Variants in WDR25 observed in about 807,000 individuals in gnomAD.
WDR25 encodes the protein WD repeat-containing protein 25.
WDR25 carries 35 observed loss-of-function variants against 47.7 expected under a neutral mutation model. The observed-to-expected ratio is 0.73, with a 90% CI of 0.56 to 0.97. WDR25 has a LOEUF of 0.97. Among genes scored for constraint, WDR25 ranks in the 50% least tolerant of loss-of-function variants. WDR25 has a pLI of 0.00. For missense variants in WDR25, 634 were observed against 704.7 expected (o/e 0.90, Z 1.14); for synonymous variants, 248 against 278.9 (o/e 0.89, Z 1.10).
intron 3 of WDR25, among the ~76,000 whole-genome samples, chr14:100,472,377 C>T (rs1273386418): frequency 6.6e-6 from 1 of 152,246 alleles, no homozygotes; most frequent in African/African-American, 2.4e-5. Context: ...GGTGTTGGCT[C>T]TTCTGCCTCC....
At chr14:100,471,314 C>T (rs992528607) in intron 3 of WDR25, among the ~76,000 whole-genome samples, 2 of 152,178 alleles carry the variant, frequency 1.3e-5, no homozygotes. Context: ...CTTGCCAGGT[C>T]CTCCTATCTG....
At chr14:100,484,513 T>C (rs554075252) in intron 4 of WDR25, among the ~76,000 whole-genome samples, 1 of 152,106 alleles carries the variant, frequency 6.6e-6, no homozygotes, top group African/African-American at 2.4e-5. Context: ...CTTGTTTGCA[T>C]GCTTGCGAGA....
In WDR25 at chr14:100,424,867, G is replaced by A. The variant is rs757800478; in HGVS notation, c.822+43121G>A. ...GGAAACTCAGGCTCAACAAGGTGAT[G>A]CCTTTCCCAGGACATGTGCTCCTGT... On this transcript the variant is annotated intron_variant, in intron 2 of 6. Coordinates refer to ENST00000402312, the MANE Select transcript of WDR25 (RefSeq NM_001161476.3). The surrounding 1 kb of genome is among the most constrained non-coding windows in gnomAD (Gnocchi z 4.2). Among the ~76,000 whole-genome samples the A allele has an allele frequency of 3.9e-5, 6 of 152,174 alleles. No individual in the cohort carries two copies. Among genetic ancestry groups the A allele is most frequent in the Non-Finnish European group, 8.8e-5 (6 of 68,026 alleles).
intron 2 of WDR25, among the ~76,000 whole-genome samples, chr14:100,431,852 G>C (rs1185548268): frequency 6.6e-6 from 1 of 152,140 alleles, no homozygotes; most frequent in Non-Finnish European, 1.5e-5. Context: ...TAGGATTACA[G>C]GTGCCCGCCA....
chr14:100,434,325 C>T (rs150854755), intron 2 of WDR25, among the ~76,000 whole-genome samples: 46 of 152,286 alleles, frequency 3.0e-4, no homozygotes, highest in African/African-American at 9.1e-4. Context: ...ATTTGTCACT[C>T]CCCCCTCCAA....
At chr14:100,456,054 T>G (rs879855574) in intron 2 of WDR25, among the ~76,000 whole-genome samples, 1 of 152,192 alleles carries the variant, frequency 6.6e-6, no homozygotes, top group Admixed American at 6.5e-5. Context: ...CATGATTCTG[T>G]ATCCTTCAAG....
intron 2 of WDR25, among the ~76,000 whole-genome samples, chr14:100,398,198 A>G (rs1428914828): frequency 6.6e-6 from 1 of 152,166 alleles, no homozygotes; most frequent in Non-Finnish European, 1.5e-5. Flanking sequence ...TGCTCTTCGA[A>G]GTGCATTCCA....
intron 3 of WDR25, among the ~76,000 whole-genome samples, chr14:100,470,037 GAC>G (rs1456757560): frequency 6.6e-6 from 1 of 152,240 alleles, no homozygotes; most frequent in Non-Finnish European, 1.5e-5. Flanking sequence ...GATGGAGAAA[GAC>G]ACAGGAATTG....
rs572904259 is a variant in WDR25 at position 100,525,839 on chromosome 14, C to T, written c.1102-31C>T. The T allele has an allele frequency of 3.7e-6, 6 of 1,609,204 alleles. 1 individual carries two copies. Among genetic ancestry groups the T allele is most frequent in the South Asian group, 3.3e-5 (3 of 90,878 alleles). ...TAGGCGCCTGTCCGTGCTGCCAGGCCTGCCAGCATGACCGGTGTCCGCTCT... is the reference window on the plus strand; with the variant it reads ...TAGGCGCCTGTCCGTGCTGCCAGGCTTGCCAGCATGACCGGTGTCCGCTCT... On this transcript the variant is annotated intron_variant, in intron 4 of 6. Coordinates refer to ENST00000402312, the MANE Select transcript of WDR25 (RefSeq NM_001161476.3). This position sits in a 1 kb window ranked among gnomAD's most constrained non-coding sequence, Gnocchi z 4.6.
chr14:100,461,027 A>G (rs1051523656), intron 2 of WDR25, among the ~76,000 whole-genome samples: 13 of 152,164 alleles, frequency 8.5e-5, no homozygotes, highest in African/African-American at 3.1e-4. Context: ...AGCTTGGGCA[A>G]CATAGTGAGA....
intron 2 of WDR25, among the ~76,000 whole-genome samples, chr14:100,450,907 A>C (rs564356526): frequency 1.6e-4 from 25 of 152,192 alleles, no homozygotes; most frequent in African/African-American, 5.8e-4. Context: ...CAGTCCCTAC[A>C]GGTGGGGCAG....
chr14:100,434,055 G>A (rs1015703654), intron 2 of WDR25, among the ~76,000 whole-genome samples: 3 of 148,592 alleles, frequency 2.0e-5, no homozygotes, highest in African/African-American at 5.1e-5. Flanking sequence ...GTGAAAAGCC[G>A]TTTCTACAAA....
chr14:100,492,715 G>GTACTTGAAA (rs1453820300), intron 4 of WDR25, among the ~76,000 whole-genome samples: 1 of 151,836 alleles, frequency 6.6e-6, no homozygotes, highest in Non-Finnish European at 1.5e-5. Context: ...TACAATTCTT[G>GTACTTGAAA]TACTTGAAAA....
In WDR25 at chr14:100,440,826, A is replaced by T. The variant is rs1450857416; in HGVS notation, c.823-27195A>T. Among the ~76,000 whole-genome samples, 2 of 152,192 alleles carry T rather than the reference A, an allele frequency of 1.3e-5. No individual in the cohort carries two copies. Among genetic ancestry groups the T allele is most frequent in the African/African-American group, 4.8e-5 (2 of 41,438 alleles). On this transcript the variant is annotated intron_variant, in intron 2 of 6. Coordinates refer to ENST00000402312, the MANE Select transcript of WDR25 (RefSeq NM_001161476.3). The surrounding 1 kb of genome is among the most constrained non-coding windows in gnomAD (Gnocchi z 4.4). ...ATTCGTCAGCGAGGCAGCTGGAGGGATGTGTGACAAACATACCAGGCTGTC... is the reference window on the plus strand; with the variant it reads ...ATTCGTCAGCGAGGCAGCTGGAGGGTTGTGTGACAAACATACCAGGCTGTC...
At chr14:100,383,706 G>A (rs527453273) in intron 2 of WDR25, among the ~76,000 whole-genome samples, 1 of 152,366 alleles carries the variant, frequency 6.6e-6, no homozygotes, top group Non-Finnish European at 1.5e-5. Flanking sequence ...GGTAGTTTTT[G>A]AGCAGAGAGC....
intron 2 of WDR25, among the ~76,000 whole-genome samples, chr14:100,431,091 G>T (rs368501216): frequency 6.6e-5 from 10 of 152,186 alleles, no homozygotes; most frequent in East Asian, 3.9e-4. Context: ...ACTCTCTTTG[G>T]CCCCTGACAT....
chr14:100,516,257 C>T (rs904024146), intron 4 of WDR25, among the ~76,000 whole-genome samples: 1 of 152,164 alleles, frequency 6.6e-6, no homozygotes, highest in Non-Finnish European at 1.5e-5. Flanking sequence ...AGGTTATACT[C>T]TTGTGAGTAC....
At chr14:100,446,888 A>G (rs1357405978) in intron 2 of WDR25, among the ~76,000 whole-genome samples, 1 of 152,196 alleles carries the variant, frequency 6.6e-6, no homozygotes, top group Non-Finnish European at 1.5e-5. Context: ...TGTTAGTTAC[A>G]TGGCCAAGCA....
In WDR25 at chr14:100,425,517, C is replaced by T. The variant is rs117466923; in HGVS notation, c.823-42504C>T. Among the ~76,000 whole-genome samples, 366 of 152,316 alleles carry T rather than the reference C, an allele frequency of 2.4e-3. No individual in the cohort carries two copies. The highest frequency in any genetic ancestry group is 4.5e-3 in the Non-Finnish European group (304 of 68,016). On this transcript the variant is annotated intron_variant, in intron 2 of 6. Transcript: ENST00000402312. This position sits in a 1 kb window ranked among gnomAD's most constrained non-coding sequence, Gnocchi z 4.8. ...GAAATATGTTTGATGGGGAAAGATA[C>T]CCGGGACAGAACCCGACTTTTGCAC...
Sources: gnomAD v4.1 joint callset for allele counts (sites outside exome capture counted in the v4.1 genomes callset) on GRCh38, gnomAD v4.1.1 for gene constraint, Gnocchi (gnomAD v3.1) non-coding constraint, MANE v1.5 for transcripts, NCBI Gene and HGNC (gene_info 2026-07-23, HGNC 2026-07-21) for gene names.